The following PDZRN4 variants were observed in gnomAD, a reference collection of about 807,000 sequenced individuals.
The protein encoded by PDZRN4 is PDZ domain containing ring finger 4.
PDZRN4 carries 70 observed loss-of-function variants against 99.0 expected under a neutral mutation model. The observed-to-expected ratio is 0.71, with a 90% confidence interval of 0.58 to 0.86. The LOEUF (loss-of-function observed/expected upper bound fraction) is 0.86, where lower values mean the gene tolerates loss of function less well. Ranked by LOEUF, PDZRN4 falls within the 40% of genes least tolerant of loss-of-function variation. PDZRN4 has a pLI of 0.00. For missense variants in PDZRN4, 1,474 were observed against 1,331.2 expected (o/e 1.11, Z -1.67); for synonymous variants, 551 against 501.6 (o/e 1.10, Z -1.32).
At chr12:41,518,581 T>C (rs1938442944) in intron 5 of PDZRN4, among the ~76,000 whole-genome samples, 1 of 152,106 alleles carries the variant, frequency 6.6e-6, no homozygotes, top group South Asian at 2.1e-4. Context: ...ATACTTCAGA[T>C]AAATATTTAT....
chr12:41,237,478 T>G (rs1951075042), intron 3 of PDZRN4, among the ~76,000 whole-genome samples: 1 of 152,294 alleles, frequency 6.6e-6, no homozygotes, highest in South Asian at 2.1e-4. Flanking sequence ...TATGTGTTGC[T>G]TTGTAATGTA....
Position 41,572,901 on chromosome 12 carries a change from C to A in PDZRN4, c.2122C>A (p.Arg708=). The change falls in exon 10 of 10, where the codon CGG becomes AGG. Residue 708 remains arginine (R), a synonymous_variant. Coordinates refer to ENST00000402685, the MANE Select transcript of PDZRN4 (RefSeq NM_001164595.2). ...CTGGACATTGCATGATGGAGGATTC[C>A]GGAATTATAACACCAGCATAGATAT... ...DIWTLHDGGF[R]NYNTSIDMQR... 3.1e-6 allele frequency: 5 copies of A among 1,614,026 alleles called. No individual in the cohort carries two copies. The highest frequency in any genetic ancestry group is 3.4e-6 in the Non-Finnish European group (4 of 1,179,988).
intron 3 of PDZRN4, among the ~76,000 whole-genome samples, chr12:41,248,765 T>G: frequency 6.6e-6 from 1 of 152,232 alleles, no homozygotes; most frequent in East Asian, 1.9e-4. Flanking sequence ...TTAAAATAAA[T>G]ATTAAAAGAT....
intron 2 of PDZRN4, among the ~76,000 whole-genome samples, chr12:41,192,806 A>G (rs1950743709): frequency 6.6e-6 from 1 of 152,240 alleles, no homozygotes; most frequent in Admixed American, 6.5e-5. Context: ...AATATTCTTC[A>G]TGTTGATGTC....
chr12:41,391,815 A>G (rs1334428409), intron 3 of PDZRN4, among the ~76,000 whole-genome samples: 1 of 152,164 alleles, frequency 6.6e-6, no homozygotes, highest in African/African-American at 2.4e-5. Flanking sequence ...ACTTTAGCGA[A>G]GAAGTGCATG....
chr12:41,531,903 C>T (rs1400676835), intron 5 of PDZRN4, among the ~76,000 whole-genome samples: 1 of 151,876 alleles, frequency 6.6e-6, no homozygotes, highest in African/African-American at 2.4e-5. Flanking sequence ...TTAGTATTTG[C>T]CATAGTATTT....
intron 5 of PDZRN4, among the ~76,000 whole-genome samples, chr12:41,523,145 C>T (rs1466482583): frequency 1.3e-5 from 2 of 152,058 alleles, no homozygotes; most frequent in Admixed American, 1.3e-4. Context: ...ATTAATAATA[C>T]ATATTTGTTA....
chr12:41,286,254 A>C (rs779387059), intron 3 of PDZRN4, among the ~76,000 whole-genome samples: 1 of 151,454 alleles, frequency 6.6e-6, no homozygotes, highest in Admixed American at 6.6e-5. Flanking sequence ...TCTGACTTTT[A>C]GGTTCTAAGA....
intron 3 of PDZRN4, among the ~76,000 whole-genome samples, chr12:41,456,653 G>A (rs1454350515): frequency 6.6e-6 from 1 of 152,228 alleles, no homozygotes; most frequent in African/African-American, 2.4e-5. Flanking sequence ...ACATACTGCA[G>A]AGGGCCTTAT....
At chr12:41,500,445 G>A (rs141683885) in intron 3 of PDZRN4, among the ~76,000 whole-genome samples, 238 of 152,114 alleles carry the variant, frequency 1.6e-3, no homozygotes, top group African/African-American at 3.4e-3. Flanking sequence ...TCCAATTATA[G>A]CACTGTCCAA....
intron 3 of PDZRN4, among the ~76,000 whole-genome samples, chr12:41,463,500 A>G (rs1317464593): frequency 1.3e-5 from 2 of 152,048 alleles, no homozygotes; most frequent in African/African-American, 2.4e-5. Context: ...CCTCTACAGT[A>G]TCTAGTAGAA....
intron 3 of PDZRN4, among the ~76,000 whole-genome samples, chr12:41,312,908 G>A (rs934255607): frequency 3.3e-4 from 50 of 152,134 alleles, no homozygotes; most frequent in African/African-American, 1.2e-3. Flanking sequence ...CAACTCCAGT[G>A]TCCGTTATGG....
chr12:41,414,402 T>C (rs1354056318), intron 3 of PDZRN4, among the ~76,000 whole-genome samples: 2 of 152,202 alleles, frequency 1.3e-5, no homozygotes, highest in Non-Finnish European at 2.9e-5. Flanking sequence ...TCCTCAAATA[T>C]GTCTTCCAGG....
At chr12:41,458,597 A>G (rs1024645799) in intron 3 of PDZRN4, among the ~76,000 whole-genome samples, 23 of 152,208 alleles carry the variant, frequency 1.5e-4, no homozygotes, top group Non-Finnish European at 3.1e-4. Flanking sequence ...GGTTTTTAGT[A>G]TAGCCATTTT....
chr12:41,396,143 A>C (rs1411126996), intron 3 of PDZRN4, among the ~76,000 whole-genome samples: 1 of 152,082 alleles, frequency 6.6e-6, no homozygotes. Context: ...AGGTCATCAC[A>C]TTTTACTAGC....
At chr12:41,514,013 T>A (rs900060486) in intron 5 of PDZRN4, among the ~76,000 whole-genome samples, 9 of 152,042 alleles carry the variant, frequency 5.9e-5, no homozygotes, top group African/African-American at 2.2e-4. Context: ...TCTCCCTCAA[T>A]GATCAGGCAA....
intron 3 of PDZRN4, among the ~76,000 whole-genome samples, chr12:41,339,604 T>C (rs10785239): frequency 0.4 from 58,606 of 145,894 alleles, 11,411 homozygotes; most frequent in South Asian, 0.44. Flanking sequence ...TAAAAAGCTT[T>C]TATACAGCAA....
At chr12:41,478,035 A>T (rs182894195) in intron 3 of PDZRN4, 2 of 671,710 alleles carry the variant, frequency 3.0e-6, no homozygotes, top group Non-Finnish European at 2.6e-6. Context: ...CTTTGTGACC[A>T]CTGGTTCTGT....
chr12:41,558,522 T>C (rs1348909448), intron 7 of PDZRN4, among the ~76,000 whole-genome samples: 1 of 152,140 alleles, frequency 6.6e-6, no homozygotes, highest in Non-Finnish European at 1.5e-5. Context: ...GTTCTGTGGG[T>C]ATAGTTGGAT....
Sources: gnomAD v4.1 joint callset for allele counts (sites outside exome capture counted in the v4.1 genomes callset) on GRCh38, gnomAD v4.1.1 for gene constraint, MANE v1.5 for transcripts, NCBI Gene and HGNC (gene_info 2026-07-23, HGNC 2026-07-21) for gene names.